ANKS6: variants seen among roughly 807,000 people sequenced by gnomAD.
ANKS6 encodes ankyrin repeat and sterile alpha motif domain containing 6.
Under a neutral mutation model 77.9 loss-of-function variants are expected in ANKS6, and 47 were observed. The observed-to-expected ratio is 0.60, with a 90% CI of 0.48 to 0.77. The LOEUF (loss-of-function observed/expected upper bound fraction) is 0.77, where lower values mean the gene tolerates loss of function less well. Ranked by LOEUF, ANKS6 falls within the 30% of genes least tolerant of loss-of-function variation. The pLI is 0.00. For missense variants in ANKS6, 1,150 were observed against 1,159.1 expected, an observed-to-expected ratio of 0.99 and a Z score of 0.11; for synonymous variants, 488 against 501.7, an observed-to-expected ratio of 0.97 and a Z score of 0.37.
rs748782774 is a variant in ANKS6, at chr9:98,745,642, C to T, written c.2428G>A (p.Gly810Ser). 9.3e-6 allele frequency: 15 copies of T among 1,614,138 alleles called. No individual in the cohort carries two copies. The highest frequency in any genetic ancestry group is 3.3e-5 in the South Asian group (3 of 91,068). Residue 810 changes from glycine to serine, a missense_variant, in exon 14 of 15, where the codon GGT becomes AGT. Transcript: ENST00000353234. ...TTAATTCCCAGCTCCTTCAAGTCAC[C>T]GTCAGTCAGTGTGAGGAACGCTTCC... ...DMEAFLTLTD[G>S]DLKELGIKTD...
intron 14 of ANKS6, among the ~76,000 whole-genome samples, chr9:98,742,656 G>A (rs974860473): frequency 1.3e-5 from 2 of 152,176 alleles, no homozygotes; most frequent in African/African-American, 4.8e-5. Context: ...GGTGGATGCT[G>A]CCTGTTGGGG....
intron 2 of ANKS6, among the ~76,000 whole-genome samples, chr9:98,788,257 T>C (rs1834689141): frequency 6.6e-6 from 1 of 152,154 alleles, no homozygotes. Flanking sequence ...AAACCTGGGA[T>C]GGAGAACGCA....
chr9:98,790,200 C>G lies in ANKS6; in HGVS notation c.766G>C (p.Val256Leu). Residue 256 changes from valine (V) to leucine (L), a missense_variant, in exon 2 of 15, where the codon GTG becomes CTG. Val to Leu is a conservative substitution (Grantham distance 32, BLOSUM62 1). Coordinates refer to ENST00000353234, the MANE Select transcript of ANKS6 (RefSeq NM_173551.5). ...ACCTCGAAGGCGGTCTTCTCCAGCACGCTGAGGTGGTCAGGGTTGGCGCCC... is the reference window on the plus strand; with the variant it reads ...ACCTCGAAGGCGGTCTTCTCCAGCAGGCTGAGGTGGTCAGGGTTGGCGCCC... The part of the protein sequence containing the change: ...EKGANPDHLS[V>L]LEKTAFEVAL... 6.2e-7 allele frequency: 1 copy of G among 1,606,082 alleles called. No individual in the cohort carries two copies. The highest frequency in any genetic ancestry group is 8.5e-7 in the Non-Finnish European group (1 of 1,173,602).
chr9:98,744,582 C>T (rs1056231878), intron 14 of ANKS6, among the ~76,000 whole-genome samples: 14 of 152,168 alleles, frequency 9.2e-5, no homozygotes, highest in African/African-American at 3.1e-4. Flanking sequence ...TTATTTGCTG[C>T]TGGTGGTATG....
rs186398843 is a variant in ANKS6 at position 98,734,028 on chromosome 9, C to A, written c.*2491G>T. Reference sequence around the variant, plus strand: ...ATCAGAAAAACAAGCACCCAACTGACCCCTCCTCCCTGACGATCTATAACC... The same window carrying A: ...ATCAGAAAAACAAGCACCCAACTGAACCCTCCTCCCTGACGATCTATAACC... On this transcript the variant is annotated 3_prime_UTR_variant, in exon 15 of 15. Transcript: ENST00000353234. 15 of 985,390 alleles carry A rather than the reference C, an allele frequency of 1.5e-5. No homozygotes were observed. In the Admixed American group the frequency reaches 6.8e-4, roughly 44 times the overall value. 61.0% of individuals were successfully genotyped at this position (985,390 alleles called of 1,614,324 possible). A position where few individuals can be genotyped will look rare whatever the true frequency, so the allele number is the denominator to read the frequency against.
chr9:98,742,844 TG>T (rs1333582332), intron 14 of ANKS6, among the ~76,000 whole-genome samples: 1 of 26,822 alleles, frequency 3.7e-5, no homozygotes, highest in East Asian at 1.1e-3. Flanking sequence ...AGGGAATGGG[TG>T]GGGGGGAGGG....
rs778789073 is a variant in ANKS6 at position 98,733,451 on chromosome 9, T to A, written c.*3068A>T. The A allele has an allele frequency of 1.6e-4, 162 of 985,272 alleles. No individual in the cohort carries two copies. Among genetic ancestry groups the A allele is most frequent in the Non-Finnish European group, 1.7e-4 (144 of 829,968 alleles). 61.0% of individuals were successfully genotyped at this position (985,272 alleles called of 1,614,324 possible). ...AGCTCTCAGAACAGGGACCCTGCCA[T>A]CTCAAAGCAGGACCGGTCCCCTGAT... On this transcript the variant is annotated 3_prime_UTR_variant, in exon 15 of 15. Coordinates refer to ENST00000353234, the MANE Select transcript of ANKS6 (RefSeq NM_173551.5).
intron 11 of ANKS6, among the ~76,000 whole-genome samples, chr9:98,765,101 ATAC>A (rs1018905229): frequency 1.4e-4 from 21 of 152,190 alleles, no homozygotes; most frequent in Admixed American, 1.4e-3. Flanking sequence ...AAAGCTGGCT[ATAC>A]TACTAATAAA....
In ANKS6 at chr9:98,734,792, T is replaced by C. The variant is rs530597706; in HGVS notation, c.*1727A>G. On this transcript the variant is annotated 3_prime_UTR_variant, in exon 15 of 15. Transcript: ENST00000353234. ...CAGCACATAGTAGGGGATGAATGAGTGTGTCTCCTTAAAAAGGCTGGGACA... is the reference window on the plus strand; with the variant it reads ...CAGCACATAGTAGGGGATGAATGAGCGTGTCTCCTTAAAAAGGCTGGGACA... 126 of 985,190 alleles carry C rather than the reference T, an allele frequency of 1.3e-4. 1 individual carries two copies. Among genetic ancestry groups the C allele is most frequent in the Non-Finnish European group, 1.8e-5 (15 of 829,714 alleles). The allele number at this position is 985,190 out of a possible 1,614,324, so 61.0% of individuals were successfully genotyped here. A position where few individuals can be genotyped will look rare whatever the true frequency, so the allele number is the denominator to read the frequency against.
intron 3 of ANKS6, chr9:98,784,415 C>T (rs778439096): frequency 9.9e-6 from 4 of 404,630 alleles, no homozygotes; most frequent in South Asian, 6.3e-5. Flanking sequence ...CTTCAGAGAA[C>T]GGATGAAGGA....
chr9:98,774,908 A>G (rs1000085808), intron 8 of ANKS6, among the ~76,000 whole-genome samples: 1 of 152,206 alleles, frequency 6.6e-6, no homozygotes, highest in Non-Finnish European at 1.5e-5. Flanking sequence ...GCAGGCGGGC[A>G]TCTCCACACT....
rs1353556765 is a variant in ANKS6 at position 98,791,462 on chromosome 9, CAGG to C, written c.360-859_360-857del. ...TCTGCACCCACCAACTTCCTAGTAC[CAGG>C]AGAAGGAAAACAGGTACCTCTTCCC... On this transcript the variant is annotated intron_variant, in intron 1 of 14. Coordinates refer to ENST00000353234, the MANE Select transcript of ANKS6 (RefSeq NM_173551.5). The surrounding 1 kb of genome is among the most constrained non-coding windows in gnomAD (Gnocchi z 4.3). 6.6e-6 allele frequency among the ~76,000 whole-genome samples: 1 copy of C among 152,150 alleles called. No homozygotes were observed. The highest frequency in any genetic ancestry group is 2.4e-5 in the African/African-American group (1 of 41,428).
chr9:98,763,694 T>C (rs1286520451), intron 11 of ANKS6, among the ~76,000 whole-genome samples: 2 of 151,980 alleles, frequency 1.3e-5, no homozygotes, highest in Non-Finnish European at 2.9e-5. Flanking sequence ...AAGTTGGTTC[T>C]TTGAAAACAT....
intron 10 of ANKS6, 101 bp downstream of exon 10, chr9:98,770,795 T>C (rs1833577334): frequency 8.3e-7 from 1 of 1,206,268 alleles, no homozygotes. Context: ...TCTTGCGTGG[T>C]CATTTCTGCG....
intron 11 of ANKS6, among the ~76,000 whole-genome samples, chr9:98,766,326 T>C (rs1833287264): frequency 6.6e-6 from 1 of 152,156 alleles, no homozygotes; most frequent in Admixed American, 6.5e-5. Context: ...GGAAATGCCT[T>C]ATTTCCAATA....
intron 1 of ANKS6, among the ~76,000 whole-genome samples, chr9:98,795,583 C>T (rs1248467008): frequency 6.6e-6 from 1 of 152,240 alleles, no homozygotes; most frequent in African/African-American, 2.4e-5. Context: ...TGCCTTCCCA[C>T]AGCCCACTTG....
At chr9:98,780,898 T>C (rs894316937) in intron 5 of ANKS6, among the ~76,000 whole-genome samples, 1 of 148,826 alleles carries the variant, frequency 6.7e-6, no homozygotes, top group East Asian at 2.0e-4. Flanking sequence ...TCTTGATGAC[T>C]ATTTCTTTTT....
chr9:98,760,558 T>C (rs922194426), intron 11 of ANKS6, among the ~76,000 whole-genome samples: 8 of 152,240 alleles, frequency 5.3e-5, no homozygotes, highest in African/African-American at 1.9e-4. Context: ...GACAGGAAAC[T>C]GGATGAAGAC....
intron 13 of ANKS6, among the ~76,000 whole-genome samples, 172 bp from the exon 14 acceptor site, chr9:98,745,847 A>T (rs1411904344): frequency 1.3e-5 from 2 of 152,178 alleles, no homozygotes; most frequent in Admixed American, 6.5e-5. Flanking sequence ...AAACATTTTT[A>T]AAAAATGAAC....
Sources: gnomAD v4.1 joint callset for allele counts (sites outside exome capture counted in the v4.1 genomes callset) on GRCh38, gnomAD v4.1.1 for gene constraint, Gnocchi (gnomAD v3.1) non-coding constraint, MANE v1.5 for transcripts, NCBI Gene and HGNC (gene_info 2026-07-23, HGNC 2026-07-21) for gene names.